Variants in MUSK observed in about 807,000 individuals in gnomAD.
MUSK encodes muscle associated receptor tyrosine kinase, also known as muscle, skeletal receptor tyrosine-protein kinase.
In MUSK, 55 loss-of-function variants were observed where a neutral mutation model predicts 88.7. The observed-to-expected ratio is 0.62, with a 90% CI of 0.50 to 0.78. The LOEUF is 0.78. Ranked by LOEUF, MUSK falls within the 30% of genes least tolerant of loss-of-function variation. The pLI is 0.00. For synonymous variants in MUSK, 387 were observed against 391.9 expected, an observed-to-expected ratio of 0.99 and a Z score of 0.15; for missense variants, 1,015 against 1,074.3, an observed-to-expected ratio of 0.94 and a Z score of 0.77.
Position 110,747,678 on chromosome 9 carries a change from G to C in MUSK, c.791G>C (p.Arg264Pro). ...TCCATTCAAGAGAGTGTGAAAGACC[G>C]AGTGATTGACTCAAGACTGCAGCTG... ...SGSIQESVKD[R>P]VIDSRLQLFI... Residue 264 changes from arginine (R) to proline (P), a missense_variant, in exon 7 of 15, where the codon CGA becomes CCA. Transcript: ENST00000374448. 1.2e-6 allele frequency: 2 copies of C among 1,613,708 alleles called. No homozygotes were observed. The highest frequency in any genetic ancestry group is 1.7e-6 in the Non-Finnish European group (2 of 1,179,740).
At chr9:110,703,675 C>T (rs2076560150) in intron 5 of MUSK, among the ~76,000 whole-genome samples, 2 of 151,596 alleles carry the variant, frequency 1.3e-5, no homozygotes, top group African/African-American at 4.9e-5. Flanking sequence ...GATAATTCAG[C>T]CATTAGAAAT....
chr9:110,675,278 G>A (rs976239149), intron 1 of MUSK, among the ~76,000 whole-genome samples: 5 of 142,666 alleles, frequency 3.5e-5, no homozygotes, highest in Non-Finnish European at 6.0e-5. Flanking sequence ...CTGGAGTGCA[G>A]TGTCGCGATC....
chr9:110,780,625 T>C (rs1340975885), intron 11 of MUSK, among the ~76,000 whole-genome samples: 3 of 152,222 alleles, frequency 2.0e-5, no homozygotes, highest in Admixed American at 6.5e-5. Context: ...ATTAACTGGG[T>C]ATGGAACTCC....
rs10561864 is a variant in MUSK at position 110,698,920 on chromosome 9, TTCTG to T, written c.628+1458_628+1461del. 9.5e-3 allele frequency among the ~76,000 whole-genome samples: 1,443 copies of T among 152,282 alleles called. 25 individuals are homozygous for T. The highest frequency in any genetic ancestry group is 0.033 in the African/African-American group (1,376 of 41,566). ...TCTGCCTAGATCCAGTGTTTTCTTGTTCTGTCTAAGGAATGATGCAGAATTAATG... is the reference window on the plus strand; with the variant it reads ...TCTGCCTAGATCCAGTGTTTTCTTGTTCTAAGGAATGATGCAGAATTAATG... On this transcript the variant is annotated intron_variant, in intron 5 of 14. Transcript: ENST00000374448.
At chr9:110,749,310 C>T (rs1414422968) in intron 7 of MUSK, among the ~76,000 whole-genome samples, 1 of 152,038 alleles carries the variant, frequency 6.6e-6, no homozygotes, top group African/African-American at 2.4e-5. Context: ...AATACAACAG[C>T]AGAACAAGAG....
chr9:110,670,080 CACAA>C (rs142119238), intron 1 of MUSK, among the ~76,000 whole-genome samples: 36,585 of 151,868 alleles, frequency 0.24, 5,694 homozygotes, highest in African/African-American at 0.43. Context: ...CGGGTTTCTT[CACAA>C]ACAATCTGAT....
In MUSK at chr9:110,801,746, C is replaced by T. The variant is rs1006149169; in HGVS notation, c.*758C>T. On this transcript the variant is annotated 3_prime_UTR_variant, in exon 15 of 15. Coordinates refer to ENST00000374448, the MANE Select transcript of MUSK (RefSeq NM_005592.4). ...CAAGTTTTTGTATCTTACTGATTTACCTTTTCCTTTAAAAATTGTATTGGT... is the reference window on the plus strand; with the variant it reads ...CAAGTTTTTGTATCTTACTGATTTATCTTTTCCTTTAAAAATTGTATTGGT... 1 of 152,122 alleles carries T rather than the reference C, an allele frequency of 6.6e-6. No individual in the cohort carries two copies. Among genetic ancestry groups the T allele is most frequent in the African/African-American group, 2.4e-5 (1 of 41,434 alleles). 9.4% of individuals were successfully genotyped at this position (152,122 alleles called of 1,614,324 possible).
chr9:110,741,733 C>T (rs758104755), intron 6 of MUSK, among the ~76,000 whole-genome samples: 4 of 152,108 alleles, frequency 2.6e-5, no homozygotes, highest in Non-Finnish European at 4.4e-5. Context: ...GTCTATCCTA[C>T]ATCCCTTCAA....
At chr9:110,782,686 G>A (rs1564289388) in intron 11 of MUSK, among the ~76,000 whole-genome samples, 6 of 152,138 alleles carry the variant, frequency 3.9e-5, no homozygotes, top group South Asian at 2.1e-4. Flanking sequence ...AGCAAAGCTC[G>A]TCAATTTAAG....
At chr9:110,690,537 T>C (rs1317432433) in intron 3 of MUSK, among the ~76,000 whole-genome samples, 1 of 93,388 alleles carries the variant, frequency 1.1e-5, no homozygotes, top group Non-Finnish European at 1.9e-5. Flanking sequence ...TAAGTATATA[T>C]ATAAATATAT....
intron 10 of MUSK, 117 bp from the exon 11 acceptor site, chr9:110,776,515 C>A: frequency 1.2e-6 from 1 of 806,482 alleles, no homozygotes; most frequent in Non-Finnish European, 2.1e-6. Flanking sequence ...GAATGTTTTC[C>A]AGTTGTATAT....
At position 110,717,058 on chromosome 9, in the gene MUSK, T is replaced by C. The variant is rs189672744; in HGVS notation, c.629-17193T>C. Reference sequence around the variant, plus strand: ...GAATATAGATAAATACTTTTGTAATTCAATCCAAAAGACTTTATTTTTAGT... The same window carrying C: ...GAATATAGATAAATACTTTTGTAATCCAATCCAAAAGACTTTATTTTTAGT... On this transcript the variant is annotated intron_variant, in intron 5 of 14. Coordinates refer to ENST00000374448, the MANE Select transcript of MUSK (RefSeq NM_005592.4). Among the ~76,000 whole-genome samples, 50 of 150,036 alleles carry C rather than the reference T, an allele frequency of 3.3e-4. 2 individuals are homozygous for C. The highest frequency in any genetic ancestry group is 1.2e-3 in the African/African-American group (48 of 39,700).
rs543352444 is a variant in MUSK, at chr9:110,749,698, G to C, written c.913+1898G>C. On this transcript the variant is annotated intron_variant, in intron 7 of 14. Transcript: ENST00000374448. ...TCCAGGTGTCTCAAAAAGTCATGAA[G>C]GTCTGAACAGCAGCAGCAGCATTGG... Among the ~76,000 whole-genome samples, 37 of 152,302 alleles carry C rather than the reference G, an allele frequency of 2.4e-4. No homozygotes were observed. The South Asian group carries it at 7.5e-3, about 31-fold the overall frequency.
At chr9:110,800,160 A>G in intron 14 of MUSK, 146 bp from the exon 15 acceptor site, 1 of 725,820 alleles carries the variant, frequency 1.4e-6, no homozygotes, top group Non-Finnish European at 2.2e-6. Flanking sequence ...GATTAAAAGG[A>G]TACAAATATT....
At chr9:110,788,381 C>A (rs1008695601) in intron 14 of MUSK, among the ~76,000 whole-genome samples, 2 of 152,074 alleles carry the variant, frequency 1.3e-5, no homozygotes, top group African/African-American at 4.8e-5. Flanking sequence ...CCTATAATCT[C>A]AGCACTTTAG....
intron 1 of MUSK, among the ~76,000 whole-genome samples, chr9:110,678,319 C>T (rs1396844003): frequency 1.3e-5 from 2 of 151,940 alleles, no homozygotes; most frequent in Non-Finnish European, 2.9e-5. Context: ...TGCAGTCTTG[C>T]CATGTTGCCC....
chr9:110,679,762 T>C (rs3001139), intron 1 of MUSK, among the ~76,000 whole-genome samples: 105,144 of 151,684 alleles, frequency 0.69, 37,789 homozygotes, highest in African/African-American at 0.86. Context: ...TTTAACATAA[T>C]CATTTAACCA....
chr9:110,694,385 C>CAAAAAAAAAAAAAAA (rs796590211), intron 3 of MUSK, among the ~76,000 whole-genome samples: 1 of 51,778 alleles, frequency 1.9e-5, no homozygotes, highest in African/African-American at 8.0e-5. Flanking sequence ...GACTCCGTCT[C>CAAAAAAAAAAAAAAA]AAAAAAAAAA....
intron 11 of MUSK, among the ~76,000 whole-genome samples, chr9:110,778,148 T>C (rs1382250089): frequency 6.6e-6 from 1 of 152,098 alleles, no homozygotes; most frequent in African/African-American, 2.4e-5. Context: ...AAAAGAGCTG[T>C]TAATCATTTG....
Sources: gnomAD v4.1 joint callset for allele counts (sites outside exome capture counted in the v4.1 genomes callset) on GRCh38, gnomAD v4.1.1 for gene constraint, MANE v1.5 for transcripts, NCBI Gene and HGNC (gene_info 2026-07-23, HGNC 2026-07-21) for gene names.